AGMO: variants seen among roughly 807,000 people sequenced by gnomAD.
AGMO encodes the protein alkylglycerol monooxygenase.
Under a neutral mutation model 60.2 loss-of-function variants are expected in AGMO, and 75 were observed. That is an observed-to-expected ratio of 1.25 (90% CI 1.03 to 1.51). AGMO has a LOEUF of 1.51. Among genes scored for constraint, AGMO ranks in the 40% most tolerant of loss-of-function variants. The pLI is 0.00. For synonymous variants in AGMO, 261 were observed against 177.1 expected (o/e 1.47, Z -3.76); for missense variants, 763 against 525.5 (o/e 1.45, Z -4.42).
intron 12 of AGMO, among the ~76,000 whole-genome samples, chr7:15,204,472 A>G (rs554031999): frequency 8.5e-5 from 13 of 152,272 alleles, no homozygotes; most frequent in Non-Finnish European, 1.5e-4. Flanking sequence ...TTATTTTGCA[A>G]TATTTGTCTC....
At chr7:15,428,683 C>T (rs573201926) in intron 4 of AGMO, among the ~76,000 whole-genome samples, 24 of 152,140 alleles carry the variant, frequency 1.6e-4, no homozygotes, top group Middle Eastern at 3.4e-3. Context: ...TATATCATCT[C>T]CAAGATTTCT....
At chr7:15,523,406 A>G (rs544919054) in intron 3 of AGMO, among the ~76,000 whole-genome samples, 1 of 152,336 alleles carries the variant, frequency 6.6e-6, no homozygotes, top group South Asian at 2.1e-4. Flanking sequence ...AGCACTATTT[A>G]CAATAGCAAA....
chr7:15,514,339 A>C (rs1033551562), intron 3 of AGMO, among the ~76,000 whole-genome samples: 5 of 152,166 alleles, frequency 3.3e-5, no homozygotes, highest in African/African-American at 1.2e-4. Flanking sequence ...TGGAATAGTC[A>C]CCACATACTT....
intron 3 of AGMO, among the ~76,000 whole-genome samples, chr7:15,496,611 C>T (rs1360788777): frequency 6.6e-6 from 1 of 151,668 alleles, no homozygotes; most frequent in Non-Finnish European, 1.5e-5. Context: ...GGCAAATGAA[C>T]AGATATGAAA....
chr7:15,446,152 A>G (rs1781692562), intron 3 of AGMO, among the ~76,000 whole-genome samples: 1 of 152,242 alleles, frequency 6.6e-6, no homozygotes, highest in Non-Finnish European at 1.5e-5. Flanking sequence ...GCCCATGTAG[A>G]ACAGTCAAAT....
intron 3 of AGMO, among the ~76,000 whole-genome samples, chr7:15,522,227 A>C (rs1375298832): frequency 2.0e-5 from 3 of 152,232 alleles, no homozygotes; most frequent in South Asian, 2.1e-4. Context: ...AAATTATTCC[A>C]TGCTCATGGA....
intron 3 of AGMO, among the ~76,000 whole-genome samples, chr7:15,530,502 C>T (rs1364368746): frequency 8.1e-4 from 25 of 30,742 alleles, no homozygotes; most frequent in Non-Finnish European, 1.0e-3. Context: ...ATTCTATATA[C>T]GTATTTCTAT....
chr7:15,385,147 G>C (rs915613220), intron 10 of AGMO, among the ~76,000 whole-genome samples: 3 of 152,136 alleles, frequency 2.0e-5, no homozygotes, highest in African/African-American at 7.2e-5. Flanking sequence ...GACTTCTGAA[G>C]TATTTTTATT....
intron 12 of AGMO, among the ~76,000 whole-genome samples, chr7:15,281,608 C>A (rs903869254): frequency 1.3e-5 from 2 of 152,134 alleles, no homozygotes; most frequent in African/African-American, 4.8e-5. Context: ...GGCGCCTACT[C>A]TTTCCCTGAC....
chr7:15,193,628 T>A, the AGMO span, among the ~76,000 whole-genome samples: 1 of 152,270 alleles, frequency 6.6e-6, no homozygotes, highest in South Asian at 2.1e-4. Context: ...GCAAGCTTCG[T>A]TTTCAATAAG....
intron 12 of AGMO, among the ~76,000 whole-genome samples, chr7:15,207,487 A>G (rs1781469231): frequency 6.6e-6 from 1 of 152,190 alleles, no homozygotes; most frequent in Non-Finnish European, 1.5e-5. Context: ...AAACACCGAC[A>G]CACTTCTATT....
At chr7:15,126,594 C>G in the AGMO span, among the ~76,000 whole-genome samples, 1 of 151,918 alleles carries the variant, frequency 6.6e-6, no homozygotes, top group Admixed American at 6.6e-5. Context: ...GGAGTCATGC[C>G]CTACAAACCA....
intron 5 of AGMO, among the ~76,000 whole-genome samples, chr7:15,397,306 T>C (rs1174848665): frequency 2.0e-5 from 3 of 151,692 alleles, no homozygotes; most frequent in Non-Finnish European, 4.4e-5. Context: ...CAGTGCGCGG[T>C]CCACCGAACC....
intron 12 of AGMO, among the ~76,000 whole-genome samples, chr7:15,272,763 C>T (rs909360554): frequency 2.6e-5 from 4 of 152,142 alleles, no homozygotes; most frequent in African/African-American, 9.7e-5. Context: ...AAAAGTGTTC[C>T]TATTTCTCCA....
intron 3 of AGMO, among the ~76,000 whole-genome samples, chr7:15,504,567 T>C (rs1330443813): frequency 3.9e-5 from 6 of 152,020 alleles, no homozygotes; most frequent in Non-Finnish European, 1.5e-5. Context: ...TCATAGTGGA[T>C]TTATTTGGCA....
At chr7:15,242,451 T>TTGGTAAA in intron 12 of AGMO, among the ~76,000 whole-genome samples, 1 of 152,278 alleles carries the variant, frequency 6.6e-6, no homozygotes, top group Admixed American at 6.5e-5. Flanking sequence ...AAAATTATCA[T>TTGGTAAA]TGGTAAATGG....
the AGMO span, among the ~76,000 whole-genome samples, chr7:15,186,373 T>C: frequency 6.6e-6 from 1 of 152,216 alleles, no homozygotes. Flanking sequence ...CATTTGCTTT[T>C]CCAGAGCCCT....
intron 12 of AGMO, among the ~76,000 whole-genome samples, chr7:15,357,723 C>T (rs991620273): frequency 6.6e-6 from 1 of 152,196 alleles, no homozygotes; most frequent in African/African-American, 2.4e-5. Context: ...AGTGCGCTCC[C>T]TTGACAGCCA....
At chr7:15,467,146 G>A (rs566707885) in intron 3 of AGMO, among the ~76,000 whole-genome samples, 9 of 152,184 alleles carry the variant, frequency 5.9e-5, no homozygotes, top group Admixed American at 5.2e-4. Context: ...AATAGTCTCT[G>A]GGGATTTTAT....
Sources: gnomAD v4.1 joint callset for allele counts (sites outside exome capture counted in the v4.1 genomes callset) on GRCh38, gnomAD v4.1.1 for gene constraint, MANE v1.5 for transcripts, NCBI Gene and HGNC (gene_info 2026-07-23, HGNC 2026-07-21) for gene names.